PSMB1: variants seen among roughly 807,000 people sequenced by gnomAD.
The protein encoded by PSMB1 is proteasome 20S subunit beta 1, also known as proteasome subunit beta type-1.
A neutral mutation model predicts 25.4 loss-of-function variants in PSMB1; 7 were observed. The observed-to-expected ratio is 0.28, with a 90% CI of 0.16 to 0.52. The LOEUF (loss-of-function observed/expected upper bound fraction) is 0.52. PSMB1 is among the 20% of genes least tolerant of loss of function. The probability of loss-of-function intolerance (pLI) is 0.97; values close to 1 mark genes in which losing one functional copy is unlikely to be tolerated. For missense variants in PSMB1, 284 were observed against 302.2 expected, an observed-to-expected ratio of 0.94 and a Z score of 0.45; for synonymous variants, 119 against 115.0, an observed-to-expected ratio of 1.03 and a Z score of -0.22.
intron 4 of PSMB1, among the ~76,000 whole-genome samples, chr6:170,538,755 A>G (rs1778725294): frequency 6.6e-6 from 1 of 152,246 alleles, no homozygotes; most frequent in African/African-American, 2.4e-5. Flanking sequence ...GCACCATCTG[A>G]GGTCACCTAA....
At position 170,535,196 on chromosome 6, in the gene PSMB1, TG is replaced by T. The variant is rs779284713; in HGVS notation, c.*23del. ...AGTACAAAATCAACCAGGTCTGAAC[TG>T]ATTGGTGATAAGAGCACACAGATCA... On this transcript the variant is annotated 3_prime_UTR_variant, in exon 6 of 6. Transcript: ENST00000262193. The T allele has an allele frequency of 9.9e-6, 16 of 1,609,366 alleles. No individual in the cohort carries two copies. In the African/African-American group the frequency reaches 2.0e-4, roughly 20 times the overall value.
intron 4 of PSMB1, among the ~76,000 whole-genome samples, chr6:170,538,536 T>C (rs765116619): frequency 2.0e-5 from 3 of 152,066 alleles, no homozygotes; most frequent in Middle Eastern, 3.2e-3. Context: ...CCATCTCTAC[T>C]AAAAATACAA....
rs937813864 is a variant in PSMB1 at position 170,553,249 on chromosome 6, G to A, written c.-7C>T. The A allele has an allele frequency of 6.3e-7, 1 of 1,593,814 alleles. No homozygotes were observed. The highest frequency in any genetic ancestry group is 1.7e-5 in the Admixed American group (1 of 58,868). ...TGGCTGTAGAGGACAACATCGCACG[G>A]CTGCGCCTGCGGATCCGACACTTGC... is the stretch of plus-strand genomic sequence containing the variant. On this transcript the variant is annotated 5_prime_UTR_variant, in exon 1 of 6. Coordinates refer to ENST00000262193, the MANE Select transcript of PSMB1 (RefSeq NM_002793.4).
In PSMB1 at chr6:170,546,134, G is replaced by GT; in HGVS notation, c.271dup (p.Thr91AsnfsTer7). 6.2e-7 allele frequency: 1 copy of GT among 1,613,848 alleles called. No homozygotes were observed. Among genetic ancestry groups the GT allele is most frequent in the Non-Finnish European group, 8.5e-7 (1 of 1,179,886 alleles). On this transcript the variant is annotated frameshift_variant, in exon 3 of 6. Coordinates refer to ENST00000262193, the MANE Select transcript of PSMB1 (RefSeq NM_002793.4). LOFTEE classifies it high-confidence loss of function. ...TCTTGCTTCAATAATCTTTGTCAGC[G>GT]TAAGACAGTCTCCATGAAAACCGCT...
At chr6:170,537,391 A>C in intron 4 of PSMB1, 51 bp from the exon 5 acceptor site, 1 of 1,416,150 alleles carries the variant, frequency 7.1e-7, no homozygotes, top group Non-Finnish European at 9.9e-7. Flanking sequence ...CACAATCCCA[A>C]ATCATCGCAA....
intron 1 of PSMB1, 67 bp from the exon 2 acceptor site, chr6:170,549,180 T>C: frequency 1.1e-6 from 1 of 877,128 alleles, no homozygotes; most frequent in Non-Finnish European, 1.9e-6. Context: ...AGAAGAATGC[T>C]CCATAGTACA....
chr6:170,535,623 G>A (rs1374628046), intron 5 of PSMB1, among the ~76,000 whole-genome samples: 1 of 152,194 alleles, frequency 6.6e-6, no homozygotes, highest in African/African-American at 2.4e-5. Flanking sequence ...TCCCACTCTT[G>A]AGAAGCACAT....
intron 3 of PSMB1, 147 bp downstream of exon 3, chr6:170,545,956 T>C: frequency 4.6e-6 from 3 of 656,732 alleles, no homozygotes; most frequent in Non-Finnish European, 7.8e-6. Context: ...ATTAATGATA[T>C]CATTTCATTT....
chr6:170,539,807 T>C (rs1474644), intron 4 of PSMB1, among the ~76,000 whole-genome samples: 26,614 of 152,232 alleles, frequency 0.17, 3,564 homozygotes, highest in East Asian at 0.7. Context: ...ATAGTGTTTA[T>C]ATTAAGAAAA....
chr6:170,552,762 G>A (rs994426834), intron 1 of PSMB1, among the ~76,000 whole-genome samples: 1 of 152,186 alleles, frequency 6.6e-6, no homozygotes, highest in African/African-American at 2.4e-5. Flanking sequence ...GTGTACATGA[G>A]GTCCAGTTTT....
Position 170,537,350 on chromosome 6 carries a change from G to C in PSMB1, c.434-10C>G. On this transcript the variant is annotated splice_polypyrimidine_tract_variant and intron_variant, in intron 4 of 5. Transcript: ENST00000262193. ...TATACAGCCCCCTTTCCTTAAAGAA[G>C]AAAACAGTATTCATAAGGATGGTAT... The C allele has an allele frequency of 6.3e-7, 1 of 1,596,944 alleles. No individual in the cohort carries two copies. The highest frequency in any genetic ancestry group is 8.6e-7 in the Non-Finnish European group (1 of 1,165,100).
chr6:170,549,500 G>C (rs911803812), intron 1 of PSMB1: 1 of 160,360 alleles, frequency 6.2e-6, no homozygotes, highest in African/African-American at 2.4e-5. Context: ...GTTTAGAGAA[G>C]ATGAGATTTT....
chr6:170,537,131 G>T (rs1778703936), intron 5 of PSMB1, 103 bp downstream of exon 5: 1 of 822,096 alleles, frequency 1.2e-6, no homozygotes, highest in Non-Finnish European at 2.0e-6. Flanking sequence ...TTTATATCTT[G>T]GCTCTCCTAA....
At chr6:170,544,799 G>A (rs1778797507) in intron 3 of PSMB1, among the ~76,000 whole-genome samples, 1 of 152,016 alleles carries the variant, frequency 6.6e-6, no homozygotes, top group African/African-American at 2.4e-5. Context: ...ACAAGTAACA[G>A]GTAAGTTTTT....
At chr6:170,550,603 G>T (rs1223411193) in intron 1 of PSMB1, among the ~76,000 whole-genome samples, 1 of 152,276 alleles carries the variant, frequency 6.6e-6, no homozygotes, top group Non-Finnish European at 1.5e-5. Flanking sequence ...ACAAAGTGGG[G>T]TTTTAGGAAG....
intron 5 of PSMB1, chr6:170,536,428 G>C (rs1443834487): frequency 2.2e-6 from 1 of 455,828 alleles, no homozygotes; most frequent in African/African-American, 2.0e-5. Context: ...AGCACTATTA[G>C]TGATGCTGGA....
At chr6:170,550,770 C>T (rs908372750) in intron 1 of PSMB1, among the ~76,000 whole-genome samples, 4 of 152,062 alleles carry the variant, frequency 2.6e-5, no homozygotes, top group African/African-American at 9.7e-5. Context: ...GTTTTAGGAA[C>T]TGGGAAAACC....
At chr6:170,547,368 G>C (rs142924652) in intron 2 of PSMB1, among the ~76,000 whole-genome samples, 1 of 152,298 alleles carries the variant, frequency 6.6e-6, no homozygotes, top group East Asian at 1.9e-4. Flanking sequence ...ATTTGGTATA[G>C]ACATACAAAT....
At chr6:170,549,831 TATG>T (rs1358829195) in intron 1 of PSMB1, 1 of 152,230 alleles carries the variant, frequency 6.6e-6, no homozygotes, top group Non-Finnish European at 1.5e-5. Flanking sequence ...AAGGATCAAA[TATG>T]TAAGCCCTTA....
Sources: allele counts gnomAD v4.1 joint callset (sites outside exome capture counted in the v4.1 genomes callset), GRCh38; gene constraint gnomAD v4.1.1; transcripts MANE v1.5; gene names NCBI Gene and HGNC (gene_info 2026-07-23, HGNC 2026-07-21).